The following ARHGAP25 variants were observed in gnomAD, a reference collection of about 807,000 sequenced individuals.
ARHGAP25 encodes rho GTPase-activating protein 25.
A neutral mutation model predicts 71.0 loss-of-function variants in ARHGAP25; 34 were observed. The ratio of observed to expected loss-of-function variants is 0.48; its 90% confidence interval spans 0.36 to 0.64. The LOEUF (loss-of-function observed/expected upper bound fraction) is 0.64, where lower values mean the gene tolerates loss of function less well. Among genes scored for constraint, ARHGAP25 ranks in the 30% least tolerant of loss-of-function variants. ARHGAP25 has a pLI of 0.00. For synonymous variants in ARHGAP25, 282 were observed against 296.5 expected, an observed-to-expected ratio of 0.95 and a Z score of 0.50; for missense variants, 706 against 805.1, an observed-to-expected ratio of 0.88 and a Z score of 1.49.
chr2:68,778,601 G>A lies in ARHGAP25; in HGVS notation c.261+3181G>A, dbSNP rs186761465. On this transcript the variant is annotated intron_variant, in intron 2 of 10. Coordinates refer to ENST00000409202, the MANE Select transcript of ARHGAP25 (RefSeq NM_001007231.3). ...TAATCTTGGAGCCATCAGGCGTAAG[G>A]GCCCTCACATACACTGATGATGTGT... 2.0e-5 allele frequency among the ~76,000 whole-genome samples: 3 copies of A among 152,186 alleles called. No individual in the cohort carries two copies. In the East Asian group the frequency reaches 5.8e-4, roughly 29 times the overall value.
In ARHGAP25 at chr2:68,823,642, C is replaced by T. The variant is rs1681872722; in HGVS notation, c.1733+770C>T. ...TAGAGGAGATGAGGGTGGAGAAGTA[C>T]AGGAGGCCAGGACGCAGTAGGGTTT... On this transcript the variant is annotated intron_variant, in intron 10 of 10. Coordinates refer to ENST00000409202, the MANE Select transcript of ARHGAP25 (RefSeq NM_001007231.3). Among the ~76,000 whole-genome samples the T allele has an allele frequency of 2.0e-5, 3 of 152,102 alleles. No homozygotes were observed. The South Asian group carries it at 6.2e-4, about 32-fold the overall frequency.
Position 68,822,670 on chromosome 2 carries a change from G to C in ARHGAP25, c.1531G>C (p.Gly511Arg), listed in dbSNP as rs1681785050. The change falls in exon 10 of 11, where the codon GGG becomes CGG. Residue 511 changes from glycine (G) to arginine (R), a missense_variant. Coordinates refer to ENST00000409202, the MANE Select transcript of ARHGAP25 (RefSeq NM_001007231.3). ...CTACGATAACGTCCCTTCCCTGCCA[G>C]GGTCCCCTGGGGAGGAAGCCAGTGC... Reference protein sequence around the residue: ...STYDNVPSLPGSPGEEASALS... With the variant: ...STYDNVPSLPRSPGEEASALS... 1 of 1,614,128 alleles carries C rather than the reference G, an allele frequency of 6.2e-7. No individual in the cohort carries two copies. The highest frequency in any genetic ancestry group is 2.2e-5 in the East Asian group (1 of 44,886).
At chr2:68,726,797 C>G (rs1044297370) in intron 2 of ARHGAP25, among the ~76,000 whole-genome samples, 3 of 152,216 alleles carry the variant, frequency 2.0e-5, no homozygotes, top group African/African-American at 7.2e-5. Context: ...GCCCAGGAGC[C>G]TGCACCCCAT....
At chr2:68,819,504 AT>A (rs1330070327) in intron 9 of ARHGAP25, 185 bp downstream of exon 9, 1 of 727,880 alleles carries the variant, frequency 1.4e-6, no homozygotes, top group African/African-American at 1.7e-5. Flanking sequence ...TCTAGTTTCT[AT>A]TGGCATCTTT....
intron 1 of ARHGAP25, among the ~76,000 whole-genome samples, chr2:68,744,801 G>A (rs150734769): frequency 6.6e-6 from 1 of 152,306 alleles, no homozygotes; most frequent in East Asian, 1.9e-4. Flanking sequence ...ACCAATAAAT[G>A]TGGTCTATTT....
intron 2 of ARHGAP25, among the ~76,000 whole-genome samples, chr2:68,729,056 G>C (rs946220110): frequency 2.0e-5 from 3 of 152,212 alleles, no homozygotes; most frequent in African/African-American, 7.2e-5. Flanking sequence ...AGACACCTTT[G>C]TCCATACACA....
intron 2 of ARHGAP25, among the ~76,000 whole-genome samples, chr2:68,722,733 C>T (rs963998151): frequency 6.6e-6 from 1 of 152,128 alleles, no homozygotes; most frequent in African/African-American, 2.4e-5. Flanking sequence ...GCTCGAGGGC[C>T]CATGTCTCAC....
intron 8 of ARHGAP25, 52 bp from the exon 9 acceptor site, chr2:68,819,071 T>C: frequency 6.8e-7 from 1 of 1,464,850 alleles, no homozygotes; most frequent in Admixed American, 2.3e-5. Context: ...CCTTGAGGAC[T>C]GACTACCTGC....
intron 1 of ARHGAP25, among the ~76,000 whole-genome samples, chr2:68,746,714 C>CCA (rs1326152962): frequency 4.6e-5 from 7 of 151,426 alleles, no homozygotes; most frequent in African/African-American, 1.2e-4. Flanking sequence ...CCCCCCTCCC[C>CCA]ATCCCCACAG....
chr2:68,770,617 T>A (rs1325602482), intron 1 of ARHGAP25, among the ~76,000 whole-genome samples: 1 of 152,224 alleles, frequency 6.6e-6, no homozygotes, highest in Non-Finnish European at 1.5e-5. Context: ...AGCAGCTAAC[T>A]TCTACAGCAG....
Position 68,734,890 on chromosome 2 carries a change from A to G in ARHGAP25, c.-310A>G. 1 of 400,466 alleles carries G rather than the reference A, an allele frequency of 2.5e-6. No homozygotes were observed. Among genetic ancestry groups the G allele is most frequent in the Non-Finnish European group, 4.5e-6 (1 of 220,804 alleles). The allele number at this position is 400,466 out of a possible 1,614,324, so 24.8% of individuals were successfully genotyped here. A position where few individuals can be genotyped will look rare whatever the true frequency, so the allele number is the denominator to read the frequency against. ...CTTTGCTTCCCATGACGCAGAGGGAAGTGTCAACTGGGATATTTCTGGTAA... is the reference window on the plus strand; with the variant it reads ...CTTTGCTTCCCATGACGCAGAGGGAGGTGTCAACTGGGATATTTCTGGTAA... On this transcript the variant is annotated 5_prime_UTR_variant, in exon 1 of 11. Transcript: ENST00000409202.
chr2:68,823,788 C>A (rs1016160288), intron 10 of ARHGAP25, among the ~76,000 whole-genome samples: 1 of 152,150 alleles, frequency 6.6e-6, no homozygotes, highest in African/African-American at 2.4e-5. Flanking sequence ...AAGCGGGAGG[C>A]CAGTTAGGCA....
At chr2:68,821,612 C>G (rs888128654) in intron 9 of ARHGAP25, among the ~76,000 whole-genome samples, 9 of 152,224 alleles carry the variant, frequency 5.9e-5, no homozygotes. Context: ...TGTTTTCCTA[C>G]AGTTTCACCA....
chr2:68,818,139 G>A (rs1681366035), intron 8 of ARHGAP25, 145 bp downstream of exon 8: 2 of 1,152,534 alleles, frequency 1.7e-6, no homozygotes, highest in Non-Finnish European at 2.5e-6. Flanking sequence ...GCCTTGTGAG[G>A]TAGGCAGGGC....
chr2:68,813,657 A>G (rs1032427379), intron 6 of ARHGAP25, among the ~76,000 whole-genome samples: 3 of 152,236 alleles, frequency 2.0e-5, no homozygotes, highest in Non-Finnish European at 4.4e-5. Context: ...GCTAGATCAC[A>G]TTAAAAGTAG....
chr2:68,797,211 T>G (rs1679618358), intron 4 of ARHGAP25, among the ~76,000 whole-genome samples: 1 of 152,154 alleles, frequency 6.6e-6, no homozygotes, highest in Admixed American at 6.5e-5. Context: ...TGCACCAGCC[T>G]TGATTAGGGG....
intron 10 of ARHGAP25, among the ~76,000 whole-genome samples, chr2:68,824,756 GA>G (rs111728961): frequency 2.4e-4 from 36 of 148,984 alleles, no homozygotes; most frequent in Non-Finnish European, 4.5e-4. Flanking sequence ...AAAACAAAAG[GA>G]AAAAAAAAAG....
upstream of ARHGAP25, among the ~76,000 whole-genome samples, chr2:68,729,828 C>T (rs1472155984): frequency 6.6e-6 from 1 of 152,232 alleles, no homozygotes; most frequent in Non-Finnish European, 1.5e-5. Context: ...AATTTGAGAG[C>T]ACATAGCAAA....
chr2:68,761,125 T>C (rs1019030028), intron 1 of ARHGAP25, among the ~76,000 whole-genome samples: 1 of 151,992 alleles, frequency 6.6e-6, no homozygotes, highest in Admixed American at 6.6e-5. Flanking sequence ...GGTGCCACGA[T>C]AATTTAATGG....
Sources: allele counts gnomAD v4.1 joint callset (sites outside exome capture counted in the v4.1 genomes callset), GRCh38; gene constraint gnomAD v4.1.1; transcripts MANE v1.5; gene names NCBI Gene and HGNC (gene_info 2026-07-23, HGNC 2026-07-21).